ACTN1: variants seen among roughly 807,000 people sequenced by gnomAD.
ACTN1 encodes the protein alpha-actinin-1.
Under a neutral mutation model 119.6 loss-of-function variants are expected in ACTN1, and 30 were observed. That is an observed-to-expected ratio of 0.25 (90% CI 0.19 to 0.34). The LOEUF (loss-of-function observed/expected upper bound fraction) is 0.34. Among genes scored for constraint, ACTN1 ranks in the 10% least tolerant of loss-of-function variants. The pLI, the probability that ACTN1 is intolerant of heterozygous loss-of-function variation, is 1.00. For missense variants in ACTN1, 764 were observed against 1,223.4 expected, an observed-to-expected ratio of 0.62 and a Z score of 5.60; for synonymous variants, 429 against 472.6, an observed-to-expected ratio of 0.91 and a Z score of 1.20.
intron 1 of ACTN1, among the ~76,000 whole-genome samples, chr14:68,955,031 T>C (rs937927591): frequency 2.0e-5 from 3 of 152,036 alleles, no homozygotes; most frequent in African/African-American, 7.3e-5. Flanking sequence ...CTGTAACAGC[T>C]CCCCTGGCAG....
chr14:68,917,787 G>A (rs539458830), intron 3 of ACTN1, among the ~76,000 whole-genome samples: 18 of 152,302 alleles, frequency 1.2e-4, no homozygotes, highest in African/African-American at 2.6e-4. Flanking sequence ...ACTTTTCGTC[G>A]GGGCGTGGTG....
intron 10 of ACTN1, among the ~76,000 whole-genome samples, chr14:68,891,715 C>T (rs1566605339): frequency 6.6e-6 from 1 of 152,078 alleles, no homozygotes; most frequent in African/African-American, 2.4e-5. Flanking sequence ...AACTTGACTG[C>T]GATTCAATTA....
intron 3 of ACTN1, 89 bp downstream of exon 3, chr14:68,920,917 T>G: frequency 1.3e-6 from 2 of 1,540,312 alleles, no homozygotes; most frequent in Non-Finnish European, 1.8e-6. Flanking sequence ...AAGTGATGCA[T>G]GGGCCCAGGA....
intron 1 of ACTN1, among the ~76,000 whole-genome samples, chr14:68,947,049 T>C (rs879933599): frequency 1.9e-4 from 29 of 152,302 alleles, no homozygotes; most frequent in Admixed American, 1.7e-3. Flanking sequence ...ACACAGCAAC[T>C]GGCAGAGCAA....
chr14:68,885,274 T>C lies in ACTN1; in HGVS notation c.1385+151A>G, dbSNP rs959933522. The C allele has an allele frequency of 9.7e-6, 10 of 1,034,952 alleles. 1 individual carries two copies. The South Asian group carries it at 1.7e-4, about 18-fold the overall frequency. The allele number at this position is 1,034,952 out of a possible 1,614,324, so 64.1% of individuals were successfully genotyped here. A position where few individuals can be genotyped will look rare whatever the true frequency, so the allele number is the denominator to read the frequency against. On this transcript the variant is annotated intron_variant, in intron 12 of 21. Coordinates refer to ENST00000394419, the MANE Select transcript of ACTN1 (RefSeq NM_001130004.2). This position sits in a 1 kb window ranked among gnomAD's most constrained non-coding sequence, Gnocchi z 5.6. ...GGCTCCTTCCCCACCAGGAGAGATA[T>C]TTGTCTCCTGCGTTGACTCCCTCCC...
In ACTN1 at chr14:68,915,939, G is replaced by A. The variant is rs185080738; in HGVS notation, c.341-3697C>T. On this transcript the variant is annotated intron_variant, in intron 3 of 21. Coordinates refer to ENST00000394419, the MANE Select transcript of ACTN1 (RefSeq NM_001130004.2). Reference sequence around the variant, plus strand: ...TGAGGCAGGAGAATCGCTTGAATTCGGGAGGCGGAGGTTGCAGTAAGCTGA... The same window carrying A: ...TGAGGCAGGAGAATCGCTTGAATTCAGGAGGCGGAGGTTGCAGTAAGCTGA... 2.1e-4 allele frequency among the ~76,000 whole-genome samples: 32 copies of A among 152,328 alleles called. No homozygotes were observed. The East Asian group carries it at 4.8e-3, about 23-fold the overall frequency.
chr14:68,931,866 G>A (rs938413106), intron 1 of ACTN1, among the ~76,000 whole-genome samples: 3 of 152,072 alleles, frequency 2.0e-5, no homozygotes, highest in Non-Finnish European at 2.9e-5. Context: ...TGCTACCTGC[G>A]GCTGAAGGCA....
chr14:68,955,549 A>G lies in ACTN1; in HGVS notation c.105+23403T>C, dbSNP rs2036327121. Among the ~76,000 whole-genome samples, 4 of 152,322 alleles carry G rather than the reference A, an allele frequency of 2.6e-5. No homozygotes were observed. In the South Asian group the frequency reaches 8.3e-4, roughly 32 times the overall value. ...AAGCAGGGCGAGGCAGGAAGCAGAA[A>G]GTTAAAAAGCCCTCTCTCCGCAGGA... On this transcript the variant is annotated intron_variant, in intron 1 of 21. Transcript: ENST00000394419.
At chr14:68,973,138 G>A (rs1159576478) in intron 1 of ACTN1, among the ~76,000 whole-genome samples, 1 of 152,122 alleles carries the variant, frequency 6.6e-6, no homozygotes, top group Admixed American at 6.6e-5. Context: ...AGGCAGAGAA[G>A]GGGGAGCCTG....
chr14:68,978,297 A>G (rs1566688234), intron 1 of ACTN1: 1 of 446,094 alleles, frequency 2.2e-6, no homozygotes, highest in Non-Finnish European at 4.5e-6. Flanking sequence ...GTTAAGCAAT[A>G]AAACGGTCTG....
At chr14:68,894,201 G>C (rs2032712305) in intron 8 of ACTN1, among the ~76,000 whole-genome samples, 1 of 152,150 alleles carries the variant, frequency 6.6e-6, no homozygotes, top group South Asian at 2.1e-4. Flanking sequence ...GGAGTCCTGG[G>C]ATAAAGTGCT....
At chr14:68,933,928 G>T (rs1228311313) in intron 1 of ACTN1, among the ~76,000 whole-genome samples, 5 of 150,770 alleles carry the variant, frequency 3.3e-5, no homozygotes. Flanking sequence ...AGAGAGCCAT[G>T]ATTGTGTCAC....
At chr14:68,881,205 TATC>T in intron 16 of ACTN1, 1 of 495,644 alleles carries the variant, frequency 2.0e-6, no homozygotes, top group Non-Finnish European at 3.6e-6. Context: ...CAAGCACTGT[TATC>T]ATTGGATGAA....
intron 1 of ACTN1, among the ~76,000 whole-genome samples, chr14:68,951,923 C>A (rs1401770528): frequency 6.6e-6 from 1 of 152,268 alleles, no homozygotes; most frequent in Non-Finnish European, 1.5e-5. Context: ...CAGCAGTGAA[C>A]AAGCGCAGCC....
chr14:68,896,641 G>A (rs867254170), intron 8 of ACTN1, among the ~76,000 whole-genome samples: 1 of 152,266 alleles, frequency 6.6e-6, no homozygotes, highest in Middle Eastern at 3.4e-3. Context: ...TGTTCTAGGG[G>A]AGGAAAGATT....
rs1381740422 is a variant in ACTN1 at position 68,874,964 on chromosome 14, C to G, written c.2640G>C (p.Glu880Asp). 2 of 1,613,870 alleles carry G rather than the reference C, an allele frequency of 1.2e-6. No homozygotes were observed. The highest frequency in any genetic ancestry group is 3.3e-5 in the Admixed American group (2 of 60,030). The part of the protein sequence containing the change: ...LRRELPPDQA[E>D]YCIARMAPYT... ...AGGGGGCCATCCGCGCGATGCAGTACTCAGCCTGGTCGGGTGGCAGCTCGC... is the reference window on the plus strand; with the variant it reads ...AGGGGGCCATCCGCGCGATGCAGTAGTCAGCCTGGTCGGGTGGCAGCTCGC... Residue 880 changes from glutamate (E) to aspartate (D), a missense_variant, in exon 22 of 22, where the codon GAG becomes GAC. Physicochemically the swap from Glu to Asp is conservative, Grantham distance 45 (BLOSUM62 2). This residue lies in a region of ACTN1 where 102 missense variants were observed against 78.2 expected (regional missense o/e 1.30). Transcript: ENST00000394419.
intron 3 of ACTN1, among the ~76,000 whole-genome samples, chr14:68,913,173 A>G (rs1259411975): frequency 6.6e-6 from 1 of 152,172 alleles, no homozygotes; most frequent in Non-Finnish European, 1.5e-5. Context: ...TATGAAGTAG[A>G]TTTTCTCTTT....
intron 1 of ACTN1, chr14:68,978,565 G>C: frequency 3.5e-6 from 1 of 286,902 alleles, no homozygotes; most frequent in South Asian, 3.0e-5. Context: ...CGGAAGAAAA[G>C]GGAAAATCGA....
At chr14:68,945,206 A>C (rs1312566511) in intron 1 of ACTN1, among the ~76,000 whole-genome samples, 4 of 151,678 alleles carry the variant, frequency 2.6e-5, no homozygotes, top group African/African-American at 9.7e-5. Context: ...AAAGAAGAAG[A>C]AGAAGAAAAC....
Sources: gnomAD v4.1 joint callset for allele counts (sites outside exome capture counted in the v4.1 genomes callset) on GRCh38, gnomAD v4.1.1 for gene constraint, gnomAD v4.1.1 regional missense constraint, Gnocchi (gnomAD v3.1) non-coding constraint, MANE v1.5 for transcripts, NCBI Gene and HGNC (gene_info 2026-07-23, HGNC 2026-07-21) for gene names.